KIF26B: variants seen among roughly 807,000 people sequenced by gnomAD.
KIF26B encodes kinesin-like protein KIF26B.
KIF26B carries 63 observed loss-of-function variants against 151.2 expected under a neutral mutation model. That is an observed-to-expected ratio of 0.42 (90% confidence interval 0.34 to 0.51). KIF26B has a LOEUF of 0.51. Ranked by LOEUF, KIF26B falls within the 20% of genes least tolerant of loss-of-function variation. The pLI is 0.07. For missense variants in KIF26B, 2,813 were observed against 2,913.6 expected, an observed-to-expected ratio of 0.97 and a Z score of 0.79; for synonymous variants, 1,357 against 1,262.1, an observed-to-expected ratio of 1.08 and a Z score of -1.59.
In KIF26B at chr1:245,244,506, G is replaced by A. The variant is rs1420058154; in HGVS notation, c.465+87823G>A. On this transcript the variant is annotated intron_variant, in intron 2 of 14. Transcript: ENST00000407071. The surrounding 1 kb of genome is among the most constrained non-coding windows in gnomAD (Gnocchi z 4.2). ...GCTGCAGTTGGGAAAGACTTTTGCT[G>A]TAGACCAATTTTATTGTACTTAGTC... 6.6e-6 allele frequency among the ~76,000 whole-genome samples: 1 copy of A among 152,100 alleles called. No homozygotes were observed. Among genetic ancestry groups the A allele is most frequent in the Non-Finnish European group, 1.5e-5 (1 of 68,026 alleles).
intron 4 of KIF26B, among the ~76,000 whole-genome samples, chr1:245,438,565 G>T (rs1402214070): frequency 6.6e-6 from 1 of 151,988 alleles, no homozygotes; most frequent in Non-Finnish European, 1.5e-5. Context: ...TGAAACGAAG[G>T]CGTTTGTTCA....
At chr1:245,454,744 G>T (rs1008329059) in intron 4 of KIF26B, among the ~76,000 whole-genome samples, 22 of 152,288 alleles carry the variant, frequency 1.4e-4, no homozygotes, top group Admixed American at 9.8e-4. Flanking sequence ...CCACCAGCAG[G>T]AGAAGAGAAG....
chr1:245,669,262 G>A (rs555940417), intron 10 of KIF26B, among the ~76,000 whole-genome samples: 5 of 152,256 alleles, frequency 3.3e-5, no homozygotes, highest in African/African-American at 4.8e-5. Flanking sequence ...CTCTTCACAG[G>A]TATAGCCTAT....
At position 245,639,313 on chromosome 1, in the gene KIF26B, T is replaced by C. The variant is rs951259676; in HGVS notation, c.2099-6808T>C. On this transcript the variant is annotated intron_variant, in intron 9 of 14. Coordinates refer to ENST00000407071, the MANE Select transcript of KIF26B (RefSeq NM_018012.4). ...TCCTTTGTGTATCTGTAGTATCAGT[T>C]GTAATGTCATCTTTTTCATCTCTGA... Among the ~76,000 whole-genome samples the C allele has an allele frequency of 3.3e-5, 5 of 151,896 alleles. No individual in the cohort carries two copies. In the East Asian group the frequency reaches 9.6e-4, roughly 29 times the overall value.
rs183325554 is a variant in KIF26B, at chr1:245,265,306, C to T, written c.466-101528C>T. ...TTAACACTGGGAGAAACAAATAGACCGATGGAACAAAATAGATAGCTAGAA... is the reference window on the plus strand; with the variant it reads ...TTAACACTGGGAGAAACAAATAGACTGATGGAACAAAATAGATAGCTAGAA... On this transcript the variant is annotated intron_variant, in intron 2 of 14. Coordinates refer to ENST00000407071, the MANE Select transcript of KIF26B (RefSeq NM_018012.4). Among the ~76,000 whole-genome samples, 32 of 151,670 alleles carry T rather than the reference C, an allele frequency of 2.1e-4. 1 individual carries two copies. Among genetic ancestry groups the T allele is most frequent in the Non-Finnish European group, 5.9e-5 (4 of 67,932 alleles).
chr1:245,561,954 A>AT (rs2042958469), intron 5 of KIF26B, among the ~76,000 whole-genome samples: 2 of 151,808 alleles, frequency 1.3e-5, no homozygotes, highest in Admixed American at 6.6e-5. Flanking sequence ...CTGTGGCCTG[A>AT]TTTTCTTGCT....
chr1:245,527,341 T>TAA (rs1661258024), intron 4 of KIF26B, among the ~76,000 whole-genome samples: 1 of 152,132 alleles, frequency 6.6e-6, no homozygotes, highest in Non-Finnish European at 1.5e-5. Context: ...AGGAATGGAC[T>TAA]TTAATTAGCC....
At chr1:245,221,414 C>CTT (rs143145841) in intron 2 of KIF26B, among the ~76,000 whole-genome samples, 7 of 140,196 alleles carry the variant, frequency 5.0e-5, no homozygotes, top group East Asian at 2.1e-4. Context: ...GTTCTTCCTG[C>CTT]TTTTTTTTTT....
chr1:245,641,485 T>C (rs2043891158), intron 9 of KIF26B, among the ~76,000 whole-genome samples: 1 of 152,164 alleles, frequency 6.6e-6, no homozygotes, highest in South Asian at 2.1e-4. Flanking sequence ...TCTTTTGATG[T>C]TGGTCCATAG....
At chr1:245,594,600 G>A (rs570081643) in intron 5 of KIF26B, among the ~76,000 whole-genome samples, 15 of 152,280 alleles carry the variant, frequency 9.9e-5, no homozygotes, top group East Asian at 1.9e-4. Flanking sequence ...GTCAGGTAGC[G>A]TGATGCCTCC....
intron 2 of KIF26B, among the ~76,000 whole-genome samples, chr1:245,335,486 TGAGG>T (rs35347659): frequency 0.23 from 35,204 of 151,878 alleles, 5,908 homozygotes; most frequent in African/African-American, 0.45. Flanking sequence ...GTCTGGACTG[TGAGG>T]GAGGAAGCTT....
chr1:245,538,833 C>T (rs1425463066), intron 4 of KIF26B, among the ~76,000 whole-genome samples: 2 of 152,226 alleles, frequency 1.3e-5, no homozygotes, highest in South Asian at 2.1e-4. Flanking sequence ...GATCGCTGAG[C>T]AGAGGTGTGT....
At chr1:245,206,615 T>C (rs1162956545) in intron 2 of KIF26B, 1 of 152,206 alleles carries the variant, frequency 6.6e-6, no homozygotes, top group African/African-American at 2.4e-5. Context: ...TGCATCACTA[T>C]TGAAGGAGGC....
intron 9 of KIF26B, among the ~76,000 whole-genome samples, chr1:245,621,210 T>C (rs2043655625): frequency 6.6e-6 from 1 of 152,210 alleles, no homozygotes; most frequent in Admixed American, 6.5e-5. Context: ...ACTACGACGG[T>C]GCGGGAAGGC....
chr1:245,620,262 T>C (rs919016758), intron 9 of KIF26B, among the ~76,000 whole-genome samples: 55 of 152,168 alleles, frequency 3.6e-4, no homozygotes, highest in African/African-American at 1.3e-3. Context: ...AACAGTTCAG[T>C]TTTTGCTTTG....
intron 12 of KIF26B, among the ~76,000 whole-genome samples, chr1:245,690,020 G>A (rs529485488): frequency 2.0e-5 from 3 of 152,208 alleles, no homozygotes; most frequent in Admixed American, 2.0e-4. Flanking sequence ...TGGCCCTGGA[G>A]GTCTTGGGGT....
At chr1:245,472,071 C>T (rs911991157) in intron 4 of KIF26B, among the ~76,000 whole-genome samples, 3 of 152,164 alleles carry the variant, frequency 2.0e-5, no homozygotes, top group Admixed American at 1.3e-4. Context: ...GGATTACAGG[C>T]GTGAGCCACT....
chr1:245,300,533 TC>T (rs1297244618), intron 2 of KIF26B, among the ~76,000 whole-genome samples: 1 of 150,278 alleles, frequency 6.7e-6, no homozygotes, highest in Non-Finnish European at 1.5e-5. Context: ...TTTTCTTTTT[TC>T]TTTTTTTTTT....
rs146303325 is a variant in KIF26B, at chr1:245,577,467, C to A, written c.1351-25110C>A. On this transcript the variant is annotated intron_variant, in intron 5 of 14. Transcript: ENST00000407071. ...TAGTCAAGAGCACTTCCACAATCTC[C>A]AGGGAGAGAAGAGGGTTTAGGAGAC... 3.6e-3 allele frequency among the ~76,000 whole-genome samples: 549 copies of A among 152,344 alleles called. 3 individuals are homozygous for A. Among genetic ancestry groups the A allele is most frequent in the Non-Finnish European group, 4.3e-3 (292 of 68,040 alleles).
Sources: gnomAD v4.1 joint callset for allele counts (sites outside exome capture counted in the v4.1 genomes callset) on GRCh38, gnomAD v4.1.1 for gene constraint, Gnocchi (gnomAD v3.1) non-coding constraint, MANE v1.5 for transcripts, NCBI Gene and HGNC (gene_info 2026-07-23, HGNC 2026-07-21) for gene names.